Variants in NRG3 observed in about 807,000 individuals in gnomAD.
NRG3 encodes the protein pro-neuregulin-3, membrane-bound isoform.
Under a neutral mutation model 66.9 loss-of-function variants are expected in NRG3, and 31 were observed. The ratio of observed to expected loss-of-function variants is 0.46; its 90% confidence interval spans 0.35 to 0.63. NRG3 has a LOEUF of 0.63. Ranked by LOEUF, NRG3 falls within the 20% of genes least tolerant of loss-of-function variation. NRG3 has a pLI of 0.00. For synonymous variants in NRG3, 393 were observed against 359.4 expected (o/e 1.09, Z -1.06); for missense variants, 910 against 878.9 (o/e 1.04, Z -0.45).
intron 1 of NRG3, among the ~76,000 whole-genome samples, chr10:81,962,466 T>C (rs185888015): frequency 2.0e-5 from 3 of 152,316 alleles, no homozygotes; most frequent in African/African-American, 4.8e-5. Context: ...TTGACACTTT[T>C]CTGACAAAAG....
At chr10:82,239,564 T>C (rs1255088492) in intron 1 of NRG3, among the ~76,000 whole-genome samples, 1 of 152,246 alleles carries the variant, frequency 6.6e-6, no homozygotes, top group Non-Finnish European at 1.5e-5. Flanking sequence ...ATCTGATTAC[T>C]AATTAAGCAT....
chr10:82,131,572 A>G (rs2068822385), intron 1 of NRG3, among the ~76,000 whole-genome samples: 1 of 152,022 alleles, frequency 6.6e-6, no homozygotes. Flanking sequence ...TATTTCTGTG[A>G]AGAATGTTAT....
chr10:82,864,006 C>A (rs1271665827), intron 3 of NRG3, among the ~76,000 whole-genome samples: 5 of 152,120 alleles, frequency 3.3e-5, no homozygotes, highest in African/African-American at 9.7e-5. Context: ...ACATTGTCAC[C>A]ATCTTTCTTT....
At chr10:82,833,222 C>T (rs1264391199) in intron 3 of NRG3, among the ~76,000 whole-genome samples, 1 of 152,120 alleles carries the variant, frequency 6.6e-6, no homozygotes, top group Non-Finnish European at 1.5e-5. Context: ...GCATTTCACC[C>T]CATTCATGTC....
At chr10:82,746,650 A>G (rs1282019472) in intron 3 of NRG3, among the ~76,000 whole-genome samples, 1 of 152,124 alleles carries the variant, frequency 6.6e-6, no homozygotes, top group African/African-American at 2.4e-5. Context: ...TTATCTAATT[A>G]TTTCCTTTAT....
At chr10:82,101,382 A>T (rs2066712102) in intron 1 of NRG3, among the ~76,000 whole-genome samples, 1 of 151,794 alleles carries the variant, frequency 6.6e-6, no homozygotes, top group South Asian at 2.1e-4. Context: ...TGCTTTCTTT[A>T]GGCCTAAATT....
intron 1 of NRG3, among the ~76,000 whole-genome samples, chr10:81,996,274 G>T (rs979926608): frequency 6.6e-5 from 10 of 152,138 alleles, no homozygotes; most frequent in African/African-American, 1.9e-4. Context: ...ATGTTGCACT[G>T]TGCATGTCTG....
At position 82,377,464 on chromosome 10, in the gene NRG3, G is replaced by GCGCA. The variant is rs1157895180; in HGVS notation, c.953+18598_953+18601dup. ...TGTGTGTGTGTGTGTGTGTGCGCGAGCGCACATGCGTGAGTTCATCAGCCT... is the reference window on the plus strand; with the variant it reads ...TGTGTGTGTGTGTGTGTGTGCGCGAGCGCACGCACATGCGTGAGTTCATCAGCCT... On this transcript the variant is annotated intron_variant, in intron 2 of 8. Coordinates refer to ENST00000372141, the MANE Select transcript of NRG3 (RefSeq NM_001010848.4). 1.5e-4 allele frequency among the ~76,000 whole-genome samples: 22 copies of GCGCA among 151,458 alleles called. No homozygotes were observed. The East Asian group carries it at 3.7e-3, about 25-fold the overall frequency.
chr10:82,345,689 C>A (rs1415403416), intron 1 of NRG3, among the ~76,000 whole-genome samples: 5 of 151,724 alleles, frequency 3.3e-5, no homozygotes, highest in Admixed American at 6.6e-5. Flanking sequence ...ATTCTTCCTA[C>A]CCATGAGCAT....
intron 2 of NRG3, among the ~76,000 whole-genome samples, chr10:82,634,330 T>A (rs192985292): frequency 6.6e-6 from 1 of 152,146 alleles, no homozygotes; most frequent in Non-Finnish European, 1.5e-5. Context: ...ATAATGTACA[T>A]GTACACATGT....
chr10:82,090,819 C>A (rs2065985534), intron 1 of NRG3, among the ~76,000 whole-genome samples: 1 of 152,120 alleles, frequency 6.6e-6, no homozygotes, highest in South Asian at 2.1e-4. Context: ...CTAAAAACAT[C>A]CTAGAGTGTA....
intron 1 of NRG3, among the ~76,000 whole-genome samples, chr10:82,354,977 T>TTGCC (rs1416984129): frequency 6.6e-6 from 1 of 152,230 alleles, no homozygotes; most frequent in African/African-American, 2.4e-5. Flanking sequence ...TTCATCCATA[T>TTGCC]AATTGTTTTG....
At chr10:82,550,237 T>A (rs1375679324) in intron 2 of NRG3, among the ~76,000 whole-genome samples, 2 of 152,136 alleles carry the variant, frequency 1.3e-5, no homozygotes, top group Non-Finnish European at 2.9e-5. Context: ...TATTTAACAT[T>A]TAAAAAATTT....
chr10:82,371,189 G>T (rs746746671), intron 2 of NRG3, among the ~76,000 whole-genome samples: 4 of 152,108 alleles, frequency 2.6e-5, no homozygotes, highest in Admixed American at 6.5e-5. Context: ...GGATTATAGG[G>T]AAACGCATTC....
intron 2 of NRG3, among the ~76,000 whole-genome samples, chr10:82,686,480 G>T (rs116397813): frequency 6.6e-6 from 1 of 152,048 alleles, no homozygotes; most frequent in East Asian, 1.9e-4. Context: ...GAGCCACCGC[G>T]CCCTGCCCCA....
chr10:81,884,777 A>G (rs1170930221), intron 1 of NRG3, among the ~76,000 whole-genome samples: 1 of 152,168 alleles, frequency 6.6e-6, no homozygotes, highest in African/African-American at 2.4e-5. Context: ...ATACCAAAGG[A>G]TGACTGTACA....
chr10:82,160,390 T>C (rs1191011947), intron 1 of NRG3, among the ~76,000 whole-genome samples: 1 of 151,982 alleles, frequency 6.6e-6, no homozygotes, highest in Non-Finnish European at 1.5e-5. Context: ...ATTCTGAAGG[T>C]TCCTGGGAAA....
intron 3 of NRG3, among the ~76,000 whole-genome samples, chr10:82,826,720 G>C (rs771662396): frequency 5.3e-5 from 8 of 152,108 alleles, no homozygotes; most frequent in Non-Finnish European, 1.2e-4. Flanking sequence ...AGTGCACATG[G>C]ACGCAAAGAT....
chr10:82,642,866 T>C (rs1160617413), intron 2 of NRG3, among the ~76,000 whole-genome samples: 2 of 151,946 alleles, frequency 1.3e-5, no homozygotes, highest in Non-Finnish European at 2.9e-5. Flanking sequence ...AATAATAGTG[T>C]GTTTATGTGT....
Sources: allele counts gnomAD v4.1 joint callset (sites outside exome capture counted in the v4.1 genomes callset), GRCh38; gene constraint gnomAD v4.1.1; transcripts MANE v1.5; gene names NCBI Gene and HGNC (gene_info 2026-07-23, HGNC 2026-07-21).